The following LSM6 variants were observed in gnomAD, a reference collection of about 807,000 sequenced individuals.
LSM6 encodes LSM6 homolog, U6 small nuclear RNA and mRNA degradation associated.
In LSM6, 2 loss-of-function variants were observed where a neutral mutation model predicts 13.5. The ratio of observed to expected loss-of-function variants is 0.15; its 90% CI spans 0.06 to 0.47. The LOEUF is 0.47. LSM6 is among the 20% of genes least tolerant of loss of function. LSM6 has a pLI of 0.97. For missense variants in LSM6, 58 were observed against 96.4 expected, an observed-to-expected ratio of 0.60 and a Z score of 1.67; for synonymous variants, 43 against 34.9, an observed-to-expected ratio of 1.23 and a Z score of -0.82.
At chr4:146,180,603 T>A (rs1051952858) in intron 1 of LSM6, among the ~76,000 whole-genome samples, 8 of 152,256 alleles carry the variant, frequency 5.3e-5, no homozygotes, top group African/African-American at 1.4e-4. Context: ...GTTTTTAATC[T>A]GAAACTGTAA....
chr4:146,189,137 A>G (rs546115796), intron 3 of LSM6, among the ~76,000 whole-genome samples: 2 of 152,052 alleles, frequency 1.3e-5, no homozygotes, highest in Non-Finnish European at 2.9e-5. Context: ...CTACAAGTGC[A>G]TATACCACCA....
intron 1 of LSM6, among the ~76,000 whole-genome samples, chr4:146,177,589 T>G (rs1387891919): frequency 6.6e-6 from 1 of 152,204 alleles, no homozygotes; most frequent in Non-Finnish European, 1.5e-5. Context: ...TGGAGATTTC[T>G]TTAAAACTCC....
intron 3 of LSM6, among the ~76,000 whole-genome samples, chr4:146,188,198 A>G (rs1422318712): frequency 1.3e-5 from 2 of 152,102 alleles, no homozygotes; most frequent in African/African-American, 4.8e-5. Context: ...TTTTACATAC[A>G]TTATTTCCTG....
At position 146,190,584 on chromosome 4, in the gene LSM6, T is replaced by C. The variant is rs1730449541; in HGVS notation, c.*928T>C. 1 of 152,274 alleles carries C rather than the reference T, an allele frequency of 6.6e-6. No homozygotes were observed. The highest frequency in any genetic ancestry group is 2.4e-5 in the African/African-American group (1 of 41,466). 9.4% of individuals were successfully genotyped at this position (152,274 alleles called of 1,614,324 possible). On this transcript the variant is annotated 3_prime_UTR_variant, in exon 4 of 4. Coordinates refer to ENST00000296581, the MANE Select transcript of LSM6 (RefSeq NM_007080.3). ...CTCAAAAATCAGCTGTATTTGCCTT[T>C]GACATTGTCCAGGAGCAGAGCACCA...
rs1042274447 is a variant in LSM6 at position 146,180,478 on chromosome 4, A to G, written c.-10-2434A>G. On this transcript the variant is annotated intron_variant, in intron 1 of 3. Coordinates refer to ENST00000296581, the MANE Select transcript of LSM6 (RefSeq NM_007080.3). ...ATCTGTGTTTATAAAAAGGTGTGGA[A>G]AGTTAATATTAATAATACTTTTAAA... is the stretch of plus-strand genomic sequence containing the variant. Among the ~76,000 whole-genome samples the G allele has an allele frequency of 2.8e-4, 42 of 152,340 alleles. 1 individual carries two copies. Among genetic ancestry groups the G allele is most frequent in the African/African-American group, 8.9e-4 (37 of 41,568 alleles).
At chr4:146,182,670 G>C (rs1359841882) in intron 1 of LSM6, among the ~76,000 whole-genome samples, 1 of 152,236 alleles carries the variant, frequency 6.6e-6, no homozygotes, top group Non-Finnish European at 1.5e-5. Flanking sequence ...TAATGAGACT[G>C]TGCCATGGTG....
At chr4:146,179,808 G>A (rs1370495856) in intron 1 of LSM6, among the ~76,000 whole-genome samples, 1 of 152,198 alleles carries the variant, frequency 6.6e-6, no homozygotes, top group East Asian at 1.9e-4. Flanking sequence ...GCAAGTTCCT[G>A]CTTAAAACCC....
chr4:146,175,770 C>G lies in LSM6; in HGVS notation c.-52C>G, dbSNP rs1285102658. On this transcript the variant is annotated 5_prime_UTR_variant, in exon 1 of 4. Transcript: ENST00000296581. ...TGGGATCATCCGCGGCGGCCGGGCT[C>G]GTGGGGCGCCTGGAGTGAGGGTTCT... 3.3e-5 allele frequency: 5 copies of G among 152,376 alleles called. No homozygotes were observed. The highest frequency in any genetic ancestry group is 7.3e-5 in the Non-Finnish European group (5 of 68,168). 9.4% of individuals were successfully genotyped at this position (152,376 alleles called of 1,614,324 possible).
At chr4:146,187,644 T>G (rs1332114841) in intron 3 of LSM6, 1 of 345,148 alleles carries the variant, frequency 2.9e-6, no homozygotes, top group Non-Finnish European at 5.5e-6. Flanking sequence ...GGAACCCTGC[T>G]TTCTCGAATA....
At chr4:146,189,273 G>A (rs191035133) in intron 3 of LSM6, among the ~76,000 whole-genome samples, 26 of 152,286 alleles carry the variant, frequency 1.7e-4, no homozygotes, top group Non-Finnish European at 3.2e-4. Flanking sequence ...GATTGCAGGC[G>A]TGAGCCACCG....
At chr4:146,183,059 T>C in intron 2 of LSM6, 44 bp downstream of exon 2, 1 of 1,326,240 alleles carries the variant, frequency 7.5e-7, no homozygotes, top group Non-Finnish European at 1.1e-6. Flanking sequence ...ACTGAATAAG[T>C]AAATGTGACT....
intron 3 of LSM6, 55 bp downstream of exon 3, chr4:146,187,442 A>T (rs544560348): frequency 9.0e-7 from 1 of 1,108,600 alleles, no homozygotes; most frequent in South Asian, 1.3e-5. Flanking sequence ...TCTATTTATA[A>T]TCCAGATCAC....
intron 2 of LSM6, among the ~76,000 whole-genome samples, chr4:146,183,870 CTTTTTT>C (rs1206702736): frequency 8.5e-6 from 1 of 117,500 alleles, no homozygotes; most frequent in Admixed American, 8.7e-5. Context: ...GGGTAATTTT[CTTTTTT>C]TTTTTTTTTT....
At chr4:146,177,531 T>C (rs2110876780) in intron 1 of LSM6, among the ~76,000 whole-genome samples, 1 of 152,354 alleles carries the variant, frequency 6.6e-6, no homozygotes, top group South Asian at 2.1e-4. Flanking sequence ...TAACCTACAC[T>C]CCATCATTTG....
chr4:146,187,170 C>A, intron 2 of LSM6, 104 bp from the exon 3 acceptor site: 1 of 608,996 alleles, frequency 1.6e-6, no homozygotes, highest in Non-Finnish European at 3.0e-6. Context: ...TATTAAGCAT[C>A]TAAGAACTAA....
At position 146,190,543 on chromosome 4, in the gene LSM6, C is replaced by G. The variant is rs567179381; in HGVS notation, c.*887C>G. ...TTCCTAACTCTGGTCTAGCAAGTGG[C>G]TGTAGGGAGGCCTTTCTCAAAAATC... is the stretch of plus-strand genomic sequence containing the variant. On this transcript the variant is annotated 3_prime_UTR_variant, in exon 4 of 4. Transcript: ENST00000296581. The G allele has an allele frequency of 6.6e-6, 1 of 152,344 alleles. No homozygotes were observed. The highest frequency in any genetic ancestry group is 1.9e-4 in the East Asian group (1 of 5,190). 9.4% of individuals were successfully genotyped at this position (152,344 alleles called of 1,614,324 possible). A position where few individuals can be genotyped will look rare whatever the true frequency, so the allele number is the denominator to read the frequency against.
chr4:146,189,200 C>T (rs187661591), intron 3 of LSM6, among the ~76,000 whole-genome samples: 2 of 152,002 alleles, frequency 1.3e-5, no homozygotes, highest in Non-Finnish European at 2.9e-5. Context: ...ACCATGTTGC[C>T]CAGGCTGGTC....
intron 1 of LSM6, among the ~76,000 whole-genome samples, chr4:146,177,763 C>T (rs1730143086): frequency 6.6e-6 from 1 of 152,086 alleles, no homozygotes; most frequent in African/African-American, 2.4e-5. Flanking sequence ...TTAGCAACAT[C>T]CCTGGTCTCT....
At chr4:146,183,943 G>A (rs947189092) in intron 2 of LSM6, among the ~76,000 whole-genome samples, 12 of 149,954 alleles carry the variant, frequency 8.0e-5, no homozygotes, top group Admixed American at 2.0e-4. Flanking sequence ...CGCGATCTCG[G>A]CTCACTGCAA....
Sources: allele counts gnomAD v4.1 joint callset (sites outside exome capture counted in the v4.1 genomes callset), GRCh38; gene constraint gnomAD v4.1.1; transcripts MANE v1.5; gene names NCBI Gene and HGNC (gene_info 2026-07-23, HGNC 2026-07-21).